Variants in CCAR1 observed in about 807,000 individuals in gnomAD.
The protein encoded by CCAR1 is cell division cycle and apoptosis regulator protein 1.
Under a neutral mutation model 163.8 loss-of-function variants are expected in CCAR1, and 78 were observed. The ratio of observed to expected loss-of-function variants is 0.48; its 90% CI spans 0.40 to 0.57. CCAR1 has a LOEUF of 0.57. Ranked by LOEUF, CCAR1 falls within the 20% of genes least tolerant of loss-of-function variation. The pLI, the probability that CCAR1 is intolerant of heterozygous loss-of-function variation, is 0.00. For synonymous variants in CCAR1, 443 were observed against 460.7 expected (o/e 0.96, Z 0.49); for missense variants, 1,019 against 1,365.2 (o/e 0.75, Z 4.00).
chr10:68,744,903 G>A (rs1043158263), intron 6 of CCAR1, among the ~76,000 whole-genome samples: 52 of 150,688 alleles, frequency 3.5e-4, no homozygotes, highest in African/African-American at 1.2e-3. Flanking sequence ...GCAGTGTTGC[G>A]ATCATAGTGA....
chr10:68,741,343 C>T (rs958763883), intron 5 of CCAR1, among the ~76,000 whole-genome samples: 1 of 152,108 alleles, frequency 6.6e-6, no homozygotes, highest in African/African-American at 2.4e-5. Context: ...ACATTATCTG[C>T]TTAATTTTTC....
At chr10:68,762,733 A>G (rs891247115) in intron 16 of CCAR1, among the ~76,000 whole-genome samples, 1 of 152,192 alleles carries the variant, frequency 6.6e-6, no homozygotes, top group Non-Finnish European at 1.5e-5. Context: ...TAGAATGTGA[A>G]ATTTTCTTTT....
intron 6 of CCAR1, among the ~76,000 whole-genome samples, chr10:68,742,908 G>C (rs1023381169): frequency 1.3e-5 from 2 of 152,108 alleles, no homozygotes; most frequent in African/African-American, 4.8e-5. Flanking sequence ...GTGAGACACT[G>C]CGCCTGGCCA....
chr10:68,780,959 C>T (rs563013528), intron 19 of CCAR1, among the ~76,000 whole-genome samples: 35 of 152,274 alleles, frequency 2.3e-4, no homozygotes, highest in South Asian at 1.7e-3. Flanking sequence ...GTGCCAGGCA[C>T]GGTGGCTCAC....
chr10:68,726,597 T>G (rs2055951329), intron 2 of CCAR1, among the ~76,000 whole-genome samples: 1 of 152,174 alleles, frequency 6.6e-6, no homozygotes, highest in African/African-American at 2.4e-5. Context: ...CTGCTTACTT[T>G]TATTTGTTTT....
intron 15 of CCAR1, 77 bp downstream of exon 15, chr10:68,757,454 G>A (rs1156702705): frequency 8.9e-6 from 7 of 789,728 alleles, no homozygotes; most frequent in South Asian, 3.0e-5. Context: ...TCGCTCTGTC[G>A]CCCAGGCTGG....
intron 2 of CCAR1, among the ~76,000 whole-genome samples, chr10:68,736,570 A>T (rs550665875): frequency 2.0e-5 from 3 of 152,248 alleles, no homozygotes; most frequent in Admixed American, 6.5e-5. Context: ...ATTTGAGATC[A>T]TGCAATACTC....
At chr10:68,762,261 G>C (rs2056481417) in intron 16 of CCAR1, among the ~76,000 whole-genome samples, 2 of 152,006 alleles carry the variant, frequency 1.3e-5, no homozygotes, top group Middle Eastern at 6.8e-3. Flanking sequence ...CCCGGGAGGC[G>C]GAGCTTGCAG....
At chr10:68,758,037 G>A (rs2056417642) in intron 15 of CCAR1, among the ~76,000 whole-genome samples, 1 of 152,102 alleles carries the variant, frequency 6.6e-6, no homozygotes, top group Admixed American at 6.6e-5. Context: ...CACCGTGCCT[G>A]GCCGTAATTT....
intron 15 of CCAR1, among the ~76,000 whole-genome samples, chr10:68,758,530 G>A (rs1165964405): frequency 1.3e-5 from 2 of 150,324 alleles, no homozygotes; most frequent in Admixed American, 1.3e-4. Flanking sequence ...GTGTGTGTGT[G>A]TGTGTGTGTG....
chr10:68,788,393 T>G, intron 23 of CCAR1, 65 bp downstream of exon 23: 1 of 1,170,010 alleles, frequency 8.5e-7, no homozygotes. Flanking sequence ...TATGTTTATG[T>G]GTGTACATAC....
At chr10:68,749,757 G>C (rs2056306790) in intron 10 of CCAR1, 72 bp downstream of exon 10, 1 of 1,327,526 alleles carries the variant, frequency 7.5e-7, no homozygotes, top group South Asian at 1.4e-5. Context: ...TGTCACAGAG[G>C]TATTTTTCTT....
At position 68,736,857 on chromosome 10, in the gene CCAR1, CT is replaced by C; in HGVS notation, c.74-14del. 6.4e-7 allele frequency: 1 copy of C among 1,570,332 alleles called. No individual in the cohort carries two copies. Among genetic ancestry groups the C allele is most frequent in the Admixed American group, 2.0e-5 (1 of 50,952 alleles). Reference sequence around the variant, plus strand: ...TCTTAATCTTGATTTTTATTTTTTCCTTTTTGATTTCATTTTAGCTGCACTG... The same window carrying C: ...TCTTAATCTTGATTTTTATTTTTTCCTTTTGATTTCATTTTAGCTGCACTG... On this transcript the variant is annotated intron_variant, in intron 2 of 24. Coordinates refer to ENST00000265872, the MANE Select transcript of CCAR1 (RefSeq NM_018237.4).
rs11402292 is a variant in CCAR1, at chr10:68,751,033, G to GTT, written c.1118+1358_1118+1359dup. ...AGCACCTACTTTTTTTTTTGTTTTT[G>GTT]TTTTTTTTTTTGAGATGGAGTTTCG... On this transcript the variant is annotated intron_variant, in intron 10 of 24. Coordinates refer to ENST00000265872, the MANE Select transcript of CCAR1 (RefSeq NM_018237.4). 1.5e-3 allele frequency among the ~76,000 whole-genome samples: 208 copies of GTT among 141,632 alleles called. 1 individual carries two copies. The highest frequency in any genetic ancestry group is 5.1e-3 in the African/African-American group (198 of 38,990). The allele number at this position is 141,632 out of a possible 152,430, so 92.9% of individuals were successfully genotyped here.
At chr10:68,743,277 A>G (rs1410267862) in intron 6 of CCAR1, among the ~76,000 whole-genome samples, 3 of 149,826 alleles carry the variant, frequency 2.0e-5, no homozygotes. Flanking sequence ...GCTCACGGCA[A>G]CCTCCACCTC....
rs1409123833 is a variant in CCAR1 at position 68,742,627 on chromosome 10, T to C, written c.518+58T>C. 1.1e-5 allele frequency: 15 copies of C among 1,337,778 alleles called. No individual in the cohort carries two copies. In the Admixed American group the frequency reaches 2.5e-4, roughly 22 times the overall value. 82.9% of individuals were successfully genotyped at this position (1,337,778 alleles called of 1,614,324 possible). A position where few individuals can be genotyped will look rare whatever the true frequency, so the allele number is the denominator to read the frequency against. On this transcript the variant is annotated intron_variant, in intron 6 of 24. Transcript: ENST00000265872. ...TTGCATTTACCACAAAACACCTGTT[T>C]AGTTGTGGCAGAAATTGTATGTAGC... is the stretch of plus-strand genomic sequence containing the variant.
chr10:68,750,373 C>T (rs1159553336), intron 10 of CCAR1, among the ~76,000 whole-genome samples: 1 of 151,920 alleles, frequency 6.6e-6, no homozygotes, highest in East Asian at 1.9e-4. Context: ...AGGTGCTCAG[C>T]ACCACACCCA....
At position 68,756,365 on chromosome 10, in the gene CCAR1, T is replaced by A; in HGVS notation, c.1718T>A (p.Phe573Tyr). 2 of 1,614,088 alleles carry A rather than the reference T, an allele frequency of 1.2e-6. No individual in the cohort carries two copies. Among genetic ancestry groups the A allele is most frequent in the Non-Finnish European group, 1.7e-6 (2 of 1,180,018 alleles). The stretch of plus-strand genomic sequence containing the variant: ...CATGTGGAGACAGTGGTTTTATTTT[T>A]CCCGGATGTTTGGCATTGCCTTCCC... Reference protein sequence around the residue: ...PAHVETVVLFFPDVWHCLPTR... With the variant: ...PAHVETVVLFYPDVWHCLPTR... The change falls in exon 14 of 25, where the codon TTC (phenylalanine) becomes TAC (tyrosine). Residue 573 changes from phenylalanine (F) to tyrosine (Y), a missense_variant. Physicochemically the swap from Phe to Tyr is conservative, Grantham distance 22. This residue lies in a region of CCAR1 where 644 missense variants were observed against 904.4 expected (regional missense o/e 0.71). Transcript: ENST00000265872. The surrounding 1 kb of genome is among the most constrained non-coding windows in gnomAD (Gnocchi z 5.1).
At chr10:68,766,377 AT>A (rs1403090306) in intron 17 of CCAR1, among the ~76,000 whole-genome samples, 1 of 147,280 alleles carries the variant, frequency 6.8e-6, no homozygotes, top group Non-Finnish European at 1.5e-5. Flanking sequence ...TAATTTTTGC[AT>A]TTTTAGTAGA....
Sources: gnomAD v4.1 joint callset for allele counts (sites outside exome capture counted in the v4.1 genomes callset) on GRCh38, gnomAD v4.1.1 for gene constraint, gnomAD v4.1.1 regional missense constraint, Gnocchi (gnomAD v3.1) non-coding constraint, MANE v1.5 for transcripts, NCBI Gene and HGNC (gene_info 2026-07-23, HGNC 2026-07-21) for gene names.